The following VPS8 variants were observed in gnomAD, a reference collection of about 807,000 sequenced individuals.
The protein encoded by VPS8 is VPS8 subunit of CORVET complex, also known as vacuolar protein sorting-associated protein 8 homolog.
A neutral mutation model predicts 216.4 loss-of-function variants in VPS8; 129 were observed. That is an observed-to-expected ratio of 0.60 (90% CI 0.52 to 0.69). The LOEUF (loss-of-function observed/expected upper bound fraction) is 0.69, where lower values mean the gene tolerates loss of function less well. Ranked by LOEUF, VPS8 falls within the 30% of genes least tolerant of loss-of-function variation. The pLI is 0.00. For synonymous variants in VPS8, 571 were observed against 565.4 expected, an observed-to-expected ratio of 1.01 and a Z score of -0.14; for missense variants, 1,531 against 1,683.5, an observed-to-expected ratio of 0.91 and a Z score of 1.59.
chr3:184,858,855 C>T (rs2108708360), intron 14 of VPS8, among the ~76,000 whole-genome samples: 1 of 152,226 alleles, frequency 6.6e-6, no homozygotes, highest in Non-Finnish European at 1.5e-5. Flanking sequence ...TCTTCATAGC[C>T]TTTGCTTTGC....
Position 184,930,538 on chromosome 3 carries a change from T to C in VPS8, c.2868T>C (p.Ser956=). 1 of 1,613,476 alleles carries C rather than the reference T, an allele frequency of 6.2e-7. No homozygotes were observed. The highest frequency in any genetic ancestry group is 2.2e-5 in the East Asian group (1 of 44,856). ...IPGHSAEEKQ[S]VWQKAMDHIE... ...GACACAGTGCAGAGGAGAAGCAGTC[T>C]GTATGGCAGAAAGCAATGGATCATA... The change falls in exon 34 of 48, where the codon TCT becomes TCC. Residue 956 remains serine, a synonymous_variant. Coordinates refer to ENST00000625842, the MANE Select transcript of VPS8 (RefSeq NM_001009921.3).
Position 185,026,636 on chromosome 3 carries a change from C to A in VPS8, c.4056+2247C>A, listed in dbSNP as rs571717269. On this transcript the variant is annotated intron_variant, in intron 46 of 47. Coordinates refer to ENST00000625842, the MANE Select transcript of VPS8 (RefSeq NM_001009921.3). Reference sequence around the variant, plus strand: ...CATGTTGGTCAGCTGGTCTCGAACTCCTGACCTCATGATCCATCCGCCTTG... The same window carrying A: ...CATGTTGGTCAGCTGGTCTCGAACTACTGACCTCATGATCCATCCGCCTTG... Among the ~76,000 whole-genome samples, 9 of 151,456 alleles carry A rather than the reference C, an allele frequency of 5.9e-5. No individual in the cohort carries two copies. In the East Asian group the frequency reaches 1.7e-3, roughly 29 times the overall value.
intron 7 of VPS8, among the ~76,000 whole-genome samples, chr3:184,842,491 G>T (rs1722374793): frequency 6.6e-6 from 1 of 151,978 alleles, no homozygotes; most frequent in Admixed American, 6.6e-5. Context: ...TGTGCTTTGG[G>T]TATTAATAGT....
Position 184,894,891 on chromosome 3 carries a change from T to C in VPS8, c.1970T>C (p.Val657Ala). 6.2e-7 allele frequency: 1 copy of C among 1,607,980 alleles called. No homozygotes were observed. The highest frequency in any genetic ancestry group is 2.2e-5 in the East Asian group (1 of 44,746). Residue 657 changes from valine (V) to alanine (A), a missense_variant, in exon 23 of 48, where the codon GTA (valine) becomes GCA (alanine). This residue lies in a region of VPS8 where 1,318 missense variants were observed against 1,468.4 expected (regional missense o/e 0.90). Transcript: ENST00000625842. The stretch of plus-strand genomic sequence containing the variant: ...ATGGAAAATGTGGAAGCGCTCATTG[T>C]ACATATGGATATCACCAGCCTAGAT... ...KLMENVEALI[V>A]HMDITSLDIQ...
intron 40 of VPS8, among the ~76,000 whole-genome samples, chr3:184,974,681 A>C (rs1748975504): frequency 6.6e-6 from 1 of 152,152 alleles, no homozygotes; most frequent in South Asian, 2.1e-4. Flanking sequence ...CAGTAGTTGT[A>C]TGCATGTGGG....
chr3:184,814,714 A>G (rs1210922711), intron 1 of VPS8, among the ~76,000 whole-genome samples: 1 of 152,198 alleles, frequency 6.6e-6, no homozygotes, highest in South Asian at 2.1e-4. Context: ...GTGAGTAGTG[A>G]GTGAGTGTGA....
chr3:185,052,159 C>A lies in VPS8; in HGVS notation c.*134C>A. On this transcript the variant is annotated 3_prime_UTR_variant, in exon 48 of 48. Coordinates refer to ENST00000625842, the MANE Select transcript of VPS8 (RefSeq NM_001009921.3). ...AGAGGTTCCAAATTGGGCTTCTGTG[C>A]CCAGAGCGTCCACAGCACCATTCCC... 2 of 944,886 alleles carry A rather than the reference C, an allele frequency of 2.1e-6. No individual in the cohort carries two copies. The highest frequency in any genetic ancestry group is 3.0e-6 in the Non-Finnish European group (2 of 658,916). The allele number at this position is 944,886 out of a possible 1,614,324, so 58.5% of individuals were successfully genotyped here. A position where few individuals can be genotyped will look rare whatever the true frequency, so the allele number is the denominator to read the frequency against.
At position 184,996,966 on chromosome 3, in the gene VPS8, G is replaced by A. The variant is rs192014563; in HGVS notation, c.3836+465G>A. ...AACATGGTACCGTTGTCTAAGATGA[G>A]GAAGAACAGGTACAAGGAACTGGGG... On this transcript the variant is annotated intron_variant, in intron 44 of 47. Coordinates refer to ENST00000625842, the MANE Select transcript of VPS8 (RefSeq NM_001009921.3). Among the ~76,000 whole-genome samples the A allele has an allele frequency of 1.9e-3, 293 of 152,314 alleles. 1 individual carries two copies. Among genetic ancestry groups the A allele is most frequent in the Middle Eastern group, 0.01 (3 of 294 alleles).
chr3:184,997,133 A>G (rs574034382), intron 44 of VPS8, among the ~76,000 whole-genome samples: 1 of 152,350 alleles, frequency 6.6e-6, no homozygotes, highest in South Asian at 2.1e-4. Flanking sequence ...AGTTGTCAGC[A>G]TATGATATTT....
chr3:184,913,093 T>C (rs926855782), intron 25 of VPS8, among the ~76,000 whole-genome samples: 19 of 152,200 alleles, frequency 1.2e-4, no homozygotes, highest in African/African-American at 4.6e-4. Flanking sequence ...CTTTAAACAT[T>C]TGGGAACAAT....
At chr3:185,008,823 G>A (rs1342424353) in intron 45 of VPS8, among the ~76,000 whole-genome samples, 5 of 151,626 alleles carry the variant, frequency 3.3e-5, no homozygotes, top group African/African-American at 1.2e-4. Flanking sequence ...GACAGGGCCT[G>A]GTTAGCCTTA....
rs555884609 is a variant in VPS8, at chr3:184,894,921, A to C, written c.2000A>C (p.Gln667Pro). The C allele has an allele frequency of 6.2e-7, 1 of 1,600,724 alleles. No individual in the cohort carries two copies. Among genetic ancestry groups the C allele is most frequent in the African/African-American group, 1.3e-5 (1 of 74,796 alleles). ...ATGGATATCACCAGCCTAGATATTC[A>C]GCAGGTGAGTTTATAGACAGTCTAC... ...VHMDITSLDI[Q>P]QVVLMCWENR... Residue 667 changes from glutamine to proline, a missense_variant, in exon 23 of 48, where the codon CAG becomes CCG. Physicochemically the swap from Gln to Pro is moderately conservative, Grantham distance 76. Coordinates refer to ENST00000625842, the MANE Select transcript of VPS8 (RefSeq NM_001009921.3).
At chr3:184,938,323 A>T (rs1178601847) in intron 35 of VPS8, among the ~76,000 whole-genome samples, 2 of 152,258 alleles carry the variant, frequency 1.3e-5, no homozygotes, top group Non-Finnish European at 2.9e-5. Context: ...CAAAAACATT[A>T]AGTGCTGAGG....
chr3:184,869,335 T>C (rs1727927249), intron 19 of VPS8, 147 bp from the exon 20 acceptor site: 1 of 774,398 alleles, frequency 1.3e-6, no homozygotes, highest in East Asian at 2.7e-5. Flanking sequence ...GTTCCTATTA[T>C]GGTGTATTAT....
intron 3 of VPS8, among the ~76,000 whole-genome samples, chr3:184,831,457 A>G (rs908856748): frequency 6.6e-6 from 1 of 152,196 alleles, no homozygotes; most frequent in Non-Finnish European, 1.5e-5. Context: ...TAATCTCTCA[A>G]GTACATTGAT....
chr3:184,952,936 A>G (rs1320488518), intron 36 of VPS8, among the ~76,000 whole-genome samples: 4 of 152,246 alleles, frequency 2.6e-5, no homozygotes, highest in South Asian at 2.1e-4. Context: ...AGGCAATGAA[A>G]GAATGAGCCA....
At chr3:184,976,633 A>C (rs1256689391) in intron 40 of VPS8, among the ~76,000 whole-genome samples, 1 of 151,930 alleles carries the variant, frequency 6.6e-6, no homozygotes, top group African/African-American at 2.4e-5. Context: ...CTTCCTTCTT[A>C]TATTCCCCAG....
At chr3:185,036,707 C>T (rs1034128857) in intron 46 of VPS8, among the ~76,000 whole-genome samples, 2 of 151,610 alleles carry the variant, frequency 1.3e-5, no homozygotes, top group African/African-American at 4.8e-5. Flanking sequence ...TCCCTTCCCC[C>T]ACTTTTGTGG....
rs569318329 is a variant in VPS8, at chr3:184,854,241, G to C, written c.1035+68G>C. The C allele has an allele frequency of 7.8e-6, 12 of 1,530,152 alleles. No homozygotes were observed. The South Asian group carries it at 1.4e-4, about 17-fold the overall frequency. 94.8% of individuals were successfully genotyped at this position (1,530,152 alleles called of 1,614,324 possible). ...GTCAGGAGGTTGAGAGAGATGGCTT[G>C]CAAGGGGTGAATTCTATGAGATTGT... On this transcript the variant is annotated intron_variant, in intron 13 of 47. Transcript: ENST00000625842.
Sources: allele counts gnomAD v4.1 joint callset (sites outside exome capture counted in the v4.1 genomes callset), GRCh38; gene constraint gnomAD v4.1.1; regional missense constraint gnomAD v4.1.1; transcripts MANE v1.5; gene names NCBI Gene and HGNC (gene_info 2026-07-23, HGNC 2026-07-21).